The following QPRT variants were observed in gnomAD, a reference collection of about 807,000 sequenced individuals.
The protein encoded by QPRT is quinolinate phosphoribosyltransferase.
A neutral mutation model predicts 19.8 loss-of-function variants in QPRT; 17 were observed. That is an observed-to-expected ratio of 0.86 (90% CI 0.59 to 1.29). The LOEUF (loss-of-function observed/expected upper bound fraction) is 1.29. QPRT is among the 50% of genes most tolerant of loss of function. The pLI is 0.00. For synonymous variants in QPRT, 178 were observed against 191.0 expected (o/e 0.93, Z 0.56); for missense variants, 336 against 405.1 (o/e 0.83, Z 1.46).
intron 1 of QPRT, among the ~76,000 whole-genome samples, chr16:29,692,041 G>A (rs1406170702): frequency 1.3e-5 from 2 of 152,200 alleles, no homozygotes; most frequent in East Asian, 3.9e-4. Context: ...GTGTGTGCGC[G>A]CTAAATCAAA....
chr16:29,697,745 G>A lies in QPRT; in HGVS notation c.*334G>A. 1 of 221,272 alleles carries A rather than the reference G, an allele frequency of 4.5e-6. No homozygotes were observed. The highest frequency in any genetic ancestry group is 8.8e-6 in the Non-Finnish European group (1 of 113,138). The allele number at this position is 221,272 out of a possible 1,614,324, so 13.7% of individuals were successfully genotyped here. A position where few individuals can be genotyped will look rare whatever the true frequency, so the allele number is the denominator to read the frequency against. Reference sequence around the variant, plus strand: ...TCACACCTGTAATCCCAGCACTTTGGGAGGCTGAGGCGGGAAGATCACTTG... The same window carrying A: ...TCACACCTGTAATCCCAGCACTTTGAGAGGCTGAGGCGGGAAGATCACTTG... On this transcript the variant is annotated 3_prime_UTR_variant, in exon 4 of 4. Coordinates refer to ENST00000395384, the MANE Select transcript of QPRT (RefSeq NM_014298.6). The surrounding 1 kb of genome is among the most constrained non-coding windows in gnomAD (Gnocchi z 4.4).
Position 29,694,852 on chromosome 16 carries a change from A to G in QPRT, c.202A>G (p.Asn68Asp). 6.2e-7 allele frequency: 1 copy of G among 1,614,056 alleles called. No individual in the cohort carries two copies. The stretch of plus-strand genomic sequence containing the variant: ...CTTCGATGCCATATTTACCCAACTC[A>G]ACTGCCAAGTCTCCTGGTTCCTCCC... ...PFFDAIFTQL[N>D]CQVSWFLPEG... Residue 68 changes from asparagine (N) to aspartate (D), a missense_variant, in exon 2 of 4, where the codon AAC (asparagine) becomes GAC (aspartate). Coordinates refer to ENST00000395384, the MANE Select transcript of QPRT (RefSeq NM_014298.6).
chr16:29,679,062 C>T, upstream of QPRT: 1 of 1,515,680 alleles, frequency 6.6e-7, no homozygotes, highest in South Asian at 1.1e-5. Flanking sequence ...AGGAGGGAGG[C>T]TTGGGGAGCC....
At chr16:29,693,295 C>T (rs559808051) in intron 1 of QPRT, among the ~76,000 whole-genome samples, 7 of 151,912 alleles carry the variant, frequency 4.6e-5, no homozygotes, top group African/African-American at 1.2e-4. Flanking sequence ...TGTTTTGAGA[C>T]GGAGTCTTGC....
chr16:29,694,618 G>A (rs750509454), intron 1 of QPRT, 46 bp from the exon 2 acceptor site: 2 of 1,502,944 alleles, frequency 1.3e-6, no homozygotes, highest in South Asian at 2.7e-5. Flanking sequence ...ACCCCTGACA[G>A]CAGGAGAGGC....
Position 29,695,008 on chromosome 16 carries a change from G to A in QPRT, c.358G>A (p.Ala120Thr), listed in dbSNP as rs375580837. The A allele has an allele frequency of 1.2e-5, 19 of 1,605,058 alleles. No homozygotes were observed. Among genetic ancestry groups the A allele is most frequent in the African/African-American group, 6.7e-5 (5 of 74,896 alleles). The change falls in exon 2 of 4, where the codon GCT (alanine) becomes ACT (threonine). Residue 120 changes from alanine (A) to threonine (T), a missense_variant. By Grantham distance (58) the Ala-to-Thr change is moderately conservative (BLOSUM62 0). Transcript: ENST00000395384. ...RCSGIASAAAAAVEAARGAGW... is the reference protein window; with the variant it reads ...RCSGIASAAATAVEAARGAGW... ...CAGTGGCATTGCCAGTGCTGCCGCC[G>A]CTGCAGTGGAGGCCGCCAGGGGGGC...
At chr16:29,683,169 C>T (rs776246410) in intron 1 of QPRT, among the ~76,000 whole-genome samples, 19 of 151,782 alleles carry the variant, frequency 1.3e-4, no homozygotes, top group Admixed American at 6.6e-5. Context: ...GGATTACAGG[C>T]GTGCACCACC....
intron 2 of QPRT, 184 bp from the exon 3 acceptor site, chr16:29,696,812 G>T (rs1967549682): frequency 1.5e-6 from 1 of 648,006 alleles, no homozygotes; most frequent in Admixed American, 3.5e-5. Flanking sequence ...CAACCCCAAA[G>T]TCTGGTTTCC....
intron 1 of QPRT, among the ~76,000 whole-genome samples, chr16:29,684,855 T>A (rs773562976): frequency 9.9e-5 from 15 of 152,188 alleles, no homozygotes; most frequent in Non-Finnish European, 1.5e-4. Flanking sequence ...ATGGGAAGAA[T>A]CCCTGTGGTG....
Position 29,694,644 on chromosome 16 carries a change from C to G in QPRT, c.14-20C>G, listed in dbSNP as rs751853561. The G allele has an allele frequency of 9.9e-6, 15 of 1,515,622 alleles. 1 individual carries two copies. In the South Asian group the frequency reaches 1.9e-4, roughly 19 times the overall value. 93.9% of individuals were successfully genotyped at this position (1,515,622 alleles called of 1,614,324 possible). On this transcript the variant is annotated intron_variant, in intron 1 of 3. Coordinates refer to ENST00000395384, the MANE Select transcript of QPRT (RefSeq NM_014298.6). ...CAGGAGAGGCAGCCAAACTCAACAGCTGTTCTCTCTTCCCCCCAGGCCTGG... is the reference window on the plus strand; with the variant it reads ...CAGGAGAGGCAGCCAAACTCAACAGGTGTTCTCTCTTCCCCCCAGGCCTGG...
intron 1 of QPRT, 78 bp downstream of exon 1, chr16:29,679,288 C>T: frequency 8.4e-7 from 1 of 1,184,552 alleles, no homozygotes; most frequent in Non-Finnish European, 1.2e-6. Flanking sequence ...TGGCTTGTCT[C>T]AGCCCCTTGT....
chr16:29,683,435 A>G (rs994592376), intron 1 of QPRT, among the ~76,000 whole-genome samples: 1 of 151,724 alleles, frequency 6.6e-6, no homozygotes, highest in Non-Finnish European at 1.5e-5. Context: ...AGCTCACTGC[A>G]GCCTCCAACT....
intron 2 of QPRT, among the ~76,000 whole-genome samples, chr16:29,695,484 C>CTTTT (rs962384967): frequency 4.2e-4 from 39 of 93,598 alleles, no homozygotes; most frequent in East Asian, 6.1e-4. Context: ...CTAATTTTTG[C>CTTTT]TTTTTTTTTT....
intron 1 of QPRT, among the ~76,000 whole-genome samples, chr16:29,684,929 G>A (rs943255590): frequency 3.3e-5 from 5 of 152,138 alleles, no homozygotes; most frequent in Non-Finnish European, 5.9e-5. Flanking sequence ...TGGCTGGCAC[G>A]CCATGGCACT....
In QPRT at chr16:29,697,213, G is replaced by T. The variant is rs758730604; in HGVS notation, c.696G>T (p.Thr232=). The T allele has an allele frequency of 5.6e-6, 9 of 1,611,136 alleles. No individual in the cohort carries two copies. The highest frequency in any genetic ancestry group is 1.7e-4 in the Middle Eastern group (1 of 6,024). Residue 232 remains threonine, a synonymous_variant, in exon 4 of 4, where the codon ACG becomes ACT. Transcript: ENST00000395384. The surrounding 1 kb of genome is among the most constrained non-coding windows in gnomAD (Gnocchi z 4.4). Reference sequence around the variant, plus strand: ...GTGTCCCGCAGGAGCTGCACCCCACGGCCACCGTGCTGAAGGCCCAGTTCC... The same window carrying T: ...GTGTCCCGCAGGAGCTGCACCCCACTGCCACCGTGCTGAAGGCCCAGTTCC... ...DNFKPEELHP[T]ATVLKAQFPS... is the part of the protein sequence containing the mutation.
intron 1 of QPRT, among the ~76,000 whole-genome samples, chr16:29,682,338 T>C (rs1242254918): frequency 6.6e-6 from 1 of 151,834 alleles, no homozygotes; most frequent in African/African-American, 2.4e-5. Flanking sequence ...CGTGCCTGGC[T>C]CAAATCTTTT....
rs35141323 is a variant in QPRT, at chr16:29,695,793, CTTTTTT to C, written c.549+613_549+618del. The C allele has an allele frequency of 1.2e-3, 56 of 45,740 alleles. 1 individual carries two copies. The highest frequency in any genetic ancestry group is 4.0e-3 in the African/African-American group (44 of 11,046). The allele number at this position is 45,740 out of a possible 1,614,324, so 2.8% of individuals were successfully genotyped here. A position where few individuals can be genotyped will look rare whatever the true frequency, so the allele number is the denominator to read the frequency against. Reference sequence around the variant, plus strand: ...GGAGTGAGCCACTGCACCCAGCTGCCTTTTTTTTTTTTTTTTTTTTTTTTGAGATGG... The same window carrying C: ...GGAGTGAGCCACTGCACCCAGCTGCCTTTTTTTTTTTTTTTTTTGAGATGG... On this transcript the variant is annotated intron_variant, in intron 2 of 3. Coordinates refer to ENST00000395384, the MANE Select transcript of QPRT (RefSeq NM_014298.6).
intron 1 of QPRT, among the ~76,000 whole-genome samples, chr16:29,682,447 A>G (rs920553287): frequency 6.6e-6 from 1 of 151,978 alleles, no homozygotes; most frequent in Non-Finnish European, 1.5e-5. Context: ...ATCTTGGCTC[A>G]CTGCAACCTC....
At chr16:29,687,831 T>C (rs1457178702) in intron 1 of QPRT, among the ~76,000 whole-genome samples, 1 of 38,392 alleles carries the variant, frequency 2.6e-5, no homozygotes, top group African/African-American at 3.2e-4. Context: ...CCTGTCTCTA[T>C]TAAAAAAAAA....
Sources: allele counts gnomAD v4.1 joint callset (sites outside exome capture counted in the v4.1 genomes callset), GRCh38; gene constraint gnomAD v4.1.1; non-coding constraint Gnocchi (gnomAD v3.1); transcripts MANE v1.5; gene names NCBI Gene and HGNC (gene_info 2026-07-23, HGNC 2026-07-21).